TBC1D5: variants seen among roughly 807,000 people sequenced by gnomAD.
TBC1D5 encodes TBC1 domain family, member 5.
A neutral mutation model predicts 100.3 loss-of-function variants in TBC1D5; 75 were observed. The observed-to-expected ratio is 0.75, with a 90% CI of 0.62 to 0.91. The LOEUF is 0.91. Ranked by LOEUF, TBC1D5 falls within the 40% of genes least tolerant of loss-of-function variation. The pLI is 0.00. For missense variants in TBC1D5, 910 were observed against 942.4 expected, an observed-to-expected ratio of 0.97 and a Z score of 0.45; for synonymous variants, 323 against 325.6, an observed-to-expected ratio of 0.99 and a Z score of 0.09.
At chr3:17,708,669 A>G (rs2074409340) in intron 1 of TBC1D5, among the ~76,000 whole-genome samples, 1 of 152,236 alleles carries the variant, frequency 6.6e-6, no homozygotes, top group South Asian at 2.1e-4. Flanking sequence ...AACCGCCCCT[A>G]TTCAGAACCA....
chr3:17,618,064 T>C (rs1422440305), intron 2 of TBC1D5, among the ~76,000 whole-genome samples: 1 of 152,250 alleles, frequency 6.6e-6, no homozygotes, highest in African/African-American at 2.4e-5. Flanking sequence ...TTGATGTTGG[T>C]GACCTGCAGA....
chr3:17,658,470 A>C (rs1273703547), intron 1 of TBC1D5, among the ~76,000 whole-genome samples: 2 of 152,174 alleles, frequency 1.3e-5, no homozygotes, highest in Non-Finnish European at 2.9e-5. Context: ...CTTCAGGATT[A>C]ATAGGGGAAG....
chr3:17,605,189 T>C (rs1211721357), intron 2 of TBC1D5, among the ~76,000 whole-genome samples: 6 of 152,178 alleles, frequency 3.9e-5, no homozygotes, highest in Non-Finnish European at 7.4e-5. Flanking sequence ...CAGGTTGTCT[T>C]TGCATGAATG....
chr3:17,421,277 ACT>A (rs10553244), intron 4 of TBC1D5, among the ~76,000 whole-genome samples: 59,625 of 151,808 alleles, frequency 0.39, 12,332 homozygotes, highest in Middle Eastern at 0.47. Flanking sequence ...TAATATTAAG[ACT>A]CTGATTTCTA....
At chr3:17,480,352 C>T (rs781393430) in intron 3 of TBC1D5, among the ~76,000 whole-genome samples, 9 of 152,214 alleles carry the variant, frequency 5.9e-5, no homozygotes, top group Non-Finnish European at 1.0e-4. Flanking sequence ...CGCCTTAAAG[C>T]CAGGTATGGC....
intron 2 of TBC1D5, among the ~76,000 whole-genome samples, chr3:17,600,001 A>G (rs1387414874): frequency 6.6e-6 from 1 of 152,250 alleles, no homozygotes; most frequent in African/African-American, 2.4e-5. Context: ...AATGATATCA[A>G]TTCTAATTTT....
At chr3:17,413,470 T>C (rs1209955967) in intron 4 of TBC1D5, among the ~76,000 whole-genome samples, 1 of 152,188 alleles carries the variant, frequency 6.6e-6, no homozygotes, top group Non-Finnish European at 1.5e-5. Flanking sequence ...TCAGAATATG[T>C]AGTGGATAAA....
At chr3:17,249,831 C>T (rs938539255) in intron 16 of TBC1D5, among the ~76,000 whole-genome samples, 1 of 152,182 alleles carries the variant, frequency 6.6e-6, no homozygotes, top group African/African-American at 2.4e-5. Context: ...AGAACACACA[C>T]AGTATTTATT....
intron 1 of TBC1D5, among the ~76,000 whole-genome samples, chr3:17,673,093 T>C (rs1188791281): frequency 6.6e-6 from 1 of 152,062 alleles, no homozygotes. Context: ...CAACAAATAA[T>C]GGAATATTTC....
chr3:17,181,678 G>A (rs1370001525), intron 19 of TBC1D5, among the ~76,000 whole-genome samples: 1 of 152,144 alleles, frequency 6.6e-6, no homozygotes, highest in Non-Finnish European at 1.5e-5. Context: ...CCCAGTGCTA[G>A]TTACATGCAC....
chr3:17,442,344 C>T (rs889205310), intron 3 of TBC1D5, among the ~76,000 whole-genome samples: 1 of 152,206 alleles, frequency 6.6e-6, no homozygotes, highest in African/African-American at 2.4e-5. Flanking sequence ...CTTAATAAGG[C>T]TACCCTTTTG....
chr3:17,478,979 T>C (rs1211702779), intron 3 of TBC1D5, among the ~76,000 whole-genome samples: 4 of 152,266 alleles, frequency 2.6e-5, no homozygotes, highest in African/African-American at 9.6e-5. Context: ...GTAACAAGTT[T>C]AGAAACAGTA....
At chr3:17,161,527 CAG>C (rs1298869179) in intron 21 of TBC1D5, among the ~76,000 whole-genome samples, 12 of 152,248 alleles carry the variant, frequency 7.9e-5, no homozygotes, top group Admixed American at 2.6e-4. Context: ...AAGCTTCAGA[CAG>C]AGGCAGTGTC....
At chr3:17,528,098 C>A (rs751929996) in intron 2 of TBC1D5, among the ~76,000 whole-genome samples, 1 of 151,986 alleles carries the variant, frequency 6.6e-6, no homozygotes, top group African/African-American at 2.4e-5. Context: ...CTCACCCTGT[C>A]GCCCAGGCCA....
exon 22 of TBC1D5, chr3:17,157,258 T>TAAAG (rs1383930160): frequency 1.3e-5 from 2 of 152,240 alleles, no homozygotes; most frequent in East Asian, 1.9e-4. Flanking sequence ...AGTTATAGCA[T>TAAAG]AAAGATGGAT....
chr3:17,465,617 C>T (rs1465229947), intron 3 of TBC1D5: 1 of 152,230 alleles, frequency 6.6e-6, no homozygotes, highest in Non-Finnish European at 1.5e-5. Context: ...ACTCCTTCAA[C>T]TTCCACAAAC....
At chr3:17,361,257 T>C (rs1318021644) in intron 13 of TBC1D5, among the ~76,000 whole-genome samples, 2 of 152,040 alleles carry the variant, frequency 1.3e-5, no homozygotes, top group African/African-American at 2.4e-5. Flanking sequence ...GCCATTTGCA[T>C]TGGGTAAGAA....
chr3:17,388,435 A>G (rs1215243772), intron 8 of TBC1D5, among the ~76,000 whole-genome samples: 3 of 152,070 alleles, frequency 2.0e-5, no homozygotes, highest in Non-Finnish European at 4.4e-5. Flanking sequence ...TTCAGCACTA[A>G]TAATTTCTTG....
intron 3 of TBC1D5, 62 bp downstream of exon 3, chr3:17,508,412 A>C: frequency 7.8e-7 from 1 of 1,288,494 alleles, no homozygotes. Flanking sequence ...CAGCTAACTG[A>C]GGGCCCTCTG....
Sources: allele counts gnomAD v4.1 joint callset (sites outside exome capture counted in the v4.1 genomes callset), GRCh38; gene constraint gnomAD v4.1.1; transcripts MANE v1.5; gene names NCBI Gene and HGNC (gene_info 2026-07-23, HGNC 2026-07-21).